PIEZO2: variants seen among roughly 807,000 people sequenced by gnomAD.
PIEZO2 encodes piezo-type mechanosensitive ion channel component 2.
A neutral mutation model predicts 337.3 loss-of-function variants in PIEZO2; 172 were observed. The observed-to-expected ratio is 0.51, with a 90% CI of 0.45 to 0.58. The LOEUF is 0.58. Among genes scored for constraint, PIEZO2 ranks in the 20% least tolerant of loss-of-function variants. The pLI is 0.00. For missense variants in PIEZO2, 3,028 were observed against 3,391.3 expected (o/e 0.89, Z 2.66); for synonymous variants, 1,251 against 1,228.5 (o/e 1.02, Z -0.38).
intron 4 of PIEZO2, among the ~76,000 whole-genome samples, chr18:10,886,315 T>TATAC (rs1157403912): frequency 2.8e-5 from 1 of 36,150 alleles, no homozygotes; most frequent in African/African-American, 2.0e-4. Flanking sequence ...TACCAAACCC[T>TATAC]ATACATACAT....
intron 2 of PIEZO2, among the ~76,000 whole-genome samples, chr18:11,022,085 G>C (rs756186038): frequency 3.9e-5 from 6 of 152,168 alleles, no homozygotes; most frequent in Non-Finnish European, 2.9e-5. Context: ...AAACAAACGG[G>C]CGCTGCCTAA....
rs555341427 is a variant in PIEZO2 at position 11,126,176 on chromosome 18, T to G, written c.64+22349A>C. 3.3e-5 allele frequency among the ~76,000 whole-genome samples: 5 copies of G among 152,296 alleles called. No homozygotes were observed. The South Asian group carries it at 8.3e-4, about 25-fold the overall frequency. Reference sequence around the variant, plus strand: ...CTCCCCCGCATAGAGACTGGTTGCTTTGGTTTAAAGTCTCCACCTCACTTT... The same window carrying G: ...CTCCCCCGCATAGAGACTGGTTGCTGTGGTTTAAAGTCTCCACCTCACTTT... On this transcript the variant is annotated intron_variant, in intron 1 of 55. Coordinates refer to ENST00000674853, the MANE Select transcript of PIEZO2 (RefSeq NM_001378183.1). This position sits in a 1 kb window ranked among gnomAD's most constrained non-coding sequence, Gnocchi z 4.6.
chr18:10,946,069 A>G (rs554608868), intron 3 of PIEZO2, among the ~76,000 whole-genome samples: 1 of 152,326 alleles, frequency 6.6e-6, no homozygotes, highest in Non-Finnish European at 1.5e-5. Context: ...TCATGGCAGA[A>G]TATTTCCCAA....
chr18:10,944,935 A>G (rs559049843), intron 3 of PIEZO2, among the ~76,000 whole-genome samples: 1 of 152,278 alleles, frequency 6.6e-6, no homozygotes, highest in South Asian at 2.1e-4. Context: ...TTGCCGTGAG[A>G]TAATGTCCAT....
At position 10,744,190 on chromosome 18, in the gene PIEZO2, T is replaced by G; in HGVS notation, c.4466A>C (p.Lys1489Thr). 4.6e-6 allele frequency: 7 copies of G among 1,536,924 alleles called. No individual in the cohort carries two copies. The highest frequency in any genetic ancestry group is 6.1e-6 in the Non-Finnish European group (7 of 1,146,642). ...CTTCTTCTCTTCCTCAATTCTTGCC[T>G]TTACAGCTTTTACAATTGTGGCCTG... ...LFQATIVKAV[K>T]ARIEEEKKSM... Residue 1489 changes from lysine (K) to threonine (T), a missense_variant, in exon 31 of 56, where the codon AAG (lysine) becomes ACG (threonine). Around this residue, in one of 5 missense-constraint regions of PIEZO2, gnomAD observed 1,925 missense variants for 2,051.9 expected, o/e 0.94. Transcript: ENST00000674853.
rs762931639 is a variant in PIEZO2 at position 11,129,373 on chromosome 18, C to T, written c.64+19152G>A. Among the ~76,000 whole-genome samples, 3 of 152,130 alleles carry T rather than the reference C, an allele frequency of 2.0e-5. No homozygotes were observed. Among genetic ancestry groups the T allele is most frequent in the Non-Finnish European group, 2.9e-5 (2 of 68,026 alleles). ...ACCATAATGGACAGCAGAGGCAAAG[C>T]GGCAATCAGAATAGTCTCATTCGTG... On this transcript the variant is annotated intron_variant, in intron 1 of 55. Transcript: ENST00000674853. This position sits in a 1 kb window ranked among gnomAD's most constrained non-coding sequence, Gnocchi z 4.6.
Position 10,696,471 on chromosome 18 carries a change from A to T in PIEZO2, c.6896T>A (p.Val2299Glu), listed in dbSNP as rs761717273. 1.4e-5 allele frequency: 23 copies of T among 1,614,056 alleles called. No homozygotes were observed. The Admixed American group carries it at 3.8e-4, about 27-fold the overall frequency. Residue 2299 changes from valine (V) to glutamate (E), a missense_variant, in exon 46 of 56, where the codon GTG becomes GAG. Transcript: ENST00000674853. The part of the protein sequence containing the change: ...YNLIHPEYSA[V>E]TDVYVLMFLA... ...GAACATGAGTACATACACGTCAGTC[A>T]CGGCGCTATACTCCGGGTGGATGAG...
intron 2 of PIEZO2, among the ~76,000 whole-genome samples, chr18:11,051,982 G>T (rs2037552691): frequency 6.6e-6 from 1 of 152,192 alleles, no homozygotes. Context: ...GTCTCACTGA[G>T]GCAGTTTCAA....
At chr18:10,688,223 T>C (rs2034641041) in intron 49 of PIEZO2, among the ~76,000 whole-genome samples, 1 of 152,184 alleles carries the variant, frequency 6.6e-6, no homozygotes, top group Non-Finnish European at 1.5e-5. Context: ...GTTCTCATTG[T>C]TCGGCTCCCG....
At chr18:11,063,316 G>C (rs2145906659) in intron 2 of PIEZO2, among the ~76,000 whole-genome samples, 1 of 151,206 alleles carries the variant, frequency 6.6e-6, no homozygotes, top group South Asian at 2.1e-4. Context: ...AGCATTAGGA[G>C]ATATACCTAA....
At position 10,833,654 on chromosome 18, in the gene PIEZO2, G is replaced by A. The variant is rs2040920211; in HGVS notation, c.917+21699C>T. Among the ~76,000 whole-genome samples, 1 of 152,158 alleles carries A rather than the reference G, an allele frequency of 6.6e-6. No individual in the cohort carries two copies. The highest frequency in any genetic ancestry group is 1.9e-4 in the East Asian group (1 of 5,184). On this transcript the variant is annotated intron_variant, in intron 7 of 55. Transcript: ENST00000674853. The surrounding 1 kb of genome is among the most constrained non-coding windows in gnomAD (Gnocchi z 4.7). ...AGAGCCAAGTACAGTTCCAATCTGTGTCTACCCGCAGGCTTCACCCAAGCC... is the reference window on the plus strand; with the variant it reads ...AGAGCCAAGTACAGTTCCAATCTGTATCTACCCGCAGGCTTCACCCAAGCC...
chr18:10,892,267 T>C (rs550232518), intron 4 of PIEZO2, among the ~76,000 whole-genome samples: 1 of 152,334 alleles, frequency 6.6e-6, no homozygotes, highest in East Asian at 1.9e-4. Flanking sequence ...ACAATTATTA[T>C]GTATTATTTA....
chr18:10,966,823 T>C (rs2034021262), intron 3 of PIEZO2, among the ~76,000 whole-genome samples: 1 of 152,008 alleles, frequency 6.6e-6, no homozygotes, highest in African/African-American at 2.4e-5. Flanking sequence ...TCTTATACCT[T>C]TGTTTTCTCA....
chr18:10,750,612 G>A lies in PIEZO2; in HGVS notation c.4168-425C>T, dbSNP rs2037610251. Among the ~76,000 whole-genome samples, 1 of 152,146 alleles carries A rather than the reference G, an allele frequency of 6.6e-6. No individual in the cohort carries two copies. Among genetic ancestry groups the A allele is most frequent in the Non-Finnish European group, 1.5e-5 (1 of 68,036 alleles). On this transcript the variant is annotated intron_variant, in intron 28 of 55. Coordinates refer to ENST00000674853, the MANE Select transcript of PIEZO2 (RefSeq NM_001378183.1). The surrounding 1 kb of genome is among the most constrained non-coding windows in gnomAD (Gnocchi z 4.1). ...TCATCCCAGACCTAAGCTGCAGGGTGTAGTTCTTAGAACAAAACAGAGTAT... is the reference window on the plus strand; with the variant it reads ...TCATCCCAGACCTAAGCTGCAGGGTATAGTTCTTAGAACAAAACAGAGTAT...
rs2144132081 is a variant in PIEZO2 at position 10,786,855 on chromosome 18, T to C, written c.2318+181A>G. Among the ~76,000 whole-genome samples the C allele has an allele frequency of 2.0e-5, 3 of 152,344 alleles. 1 individual carries two copies. The Middle Eastern group carries it at 0.01, about 518-fold the overall frequency. On this transcript the variant is annotated intron_variant, in intron 16 of 55. Transcript: ENST00000674853. ...CTGAAAATTCATGGAGTGCCTATTA[T>C]GTTCTAAGCTAAGGGCTAAGTAAAG...
intron 3 of PIEZO2, among the ~76,000 whole-genome samples, chr18:10,935,781 A>G (rs77133015): frequency 1.1e-3 from 175 of 152,290 alleles, no homozygotes; most frequent in East Asian, 2.1e-3. Flanking sequence ...TCTCATCTGC[A>G]GCATGACCAC....
intron 40 of PIEZO2, among the ~76,000 whole-genome samples, chr18:10,706,007 C>T (rs1471029378): frequency 6.6e-6 from 1 of 152,168 alleles, no homozygotes; most frequent in Non-Finnish European, 1.5e-5. Context: ...AAGAGCAAAA[C>T]CCACCCCCGT....
At chr18:10,715,584 G>A (rs2035979524) in intron 38 of PIEZO2, 66 bp downstream of exon 38, 1 of 1,386,292 alleles carries the variant, frequency 7.2e-7, no homozygotes. Context: ...CTGGAGTTTT[G>A]GACATTGACT....
At chr18:10,823,720 G>C (rs80321223) in intron 7 of PIEZO2, among the ~76,000 whole-genome samples, 2,234 of 152,168 alleles carry the variant, frequency 0.015, 57 homozygotes, top group African/African-American at 0.051. Flanking sequence ...GCAATACAAA[G>C]CTAGTCTTTG....
Sources: gnomAD v4.1 joint callset for allele counts (sites outside exome capture counted in the v4.1 genomes callset) on GRCh38, gnomAD v4.1.1 for gene constraint, gnomAD v4.1.1 regional missense constraint, Gnocchi (gnomAD v3.1) non-coding constraint, MANE v1.5 for transcripts, NCBI Gene and HGNC (gene_info 2026-07-23, HGNC 2026-07-21) for gene names.